The following FYN variants were observed in gnomAD, a reference collection of about 807,000 sequenced individuals.
FYN encodes tyrosine-protein kinase Fyn.
In FYN, 10 loss-of-function variants were observed where a neutral mutation model predicts 70.2. The observed-to-expected ratio is 0.14, with a 90% confidence interval of 0.09 to 0.24. FYN has a LOEUF of 0.24. Ranked by LOEUF, FYN falls within the 10% of genes least tolerant of loss-of-function variation. The probability of loss-of-function intolerance (pLI) is 1.00; values close to 1 mark genes in which losing one functional copy is unlikely to be tolerated. For missense variants in FYN, 319 were observed against 673.1 expected, an observed-to-expected ratio of 0.47 and a Z score of 5.82; for synonymous variants, 236 against 248.6, an observed-to-expected ratio of 0.95 and a Z score of 0.48.
intron 2 of FYN, among the ~76,000 whole-genome samples, chr6:111,835,062 A>G (rs1009342446): frequency 6.6e-5 from 10 of 152,062 alleles, no homozygotes; most frequent in Admixed American, 3.3e-4. Context: ...TTTTTATTGG[A>G]TTTATTCTAT....
intron 6 of FYN, among the ~76,000 whole-genome samples, chr6:111,704,713 C>T (rs1799992988): frequency 6.6e-6 from 1 of 150,654 alleles, no homozygotes; most frequent in South Asian, 2.1e-4. Flanking sequence ...GAGATTGTGC[C>T]ATAGTATTCC....
chr6:111,827,384 C>T (rs940714711), intron 2 of FYN, among the ~76,000 whole-genome samples: 8 of 152,140 alleles, frequency 5.3e-5, no homozygotes, highest in African/African-American at 1.9e-4. Context: ...TCCTTAACAC[C>T]AAGCTGCAAC....
intron 2 of FYN, among the ~76,000 whole-genome samples, chr6:111,837,609 G>A (rs139757781): frequency 5.3e-4 from 81 of 152,340 alleles, no homozygotes; most frequent in Non-Finnish European, 9.4e-4. Context: ...GTTGGTAAAT[G>A]ATGATGATTT....
chr6:111,835,461 T>A lies in FYN; in HGVS notation c.-82+11128A>T, dbSNP rs1444012962. Among the ~76,000 whole-genome samples, 3 of 152,228 alleles carry A rather than the reference T, an allele frequency of 2.0e-5. No homozygotes were observed. In the East Asian group the frequency reaches 5.8e-4, roughly 29 times the overall value. Reference sequence around the variant, plus strand: ...ACAAAGAATTCTTAGCAAAGCAATTTTACTTCTGCGCAGAGGGGTGCCTCC... The same window carrying A: ...ACAAAGAATTCTTAGCAAAGCAATTATACTTCTGCGCAGAGGGGTGCCTCC... On this transcript the variant is annotated intron_variant, in intron 2 of 13. Transcript: ENST00000354650.
At chr6:111,714,684 G>C (rs1208792283) in intron 4 of FYN, among the ~76,000 whole-genome samples, 2 of 152,198 alleles carry the variant, frequency 1.3e-5, no homozygotes, top group Non-Finnish European at 1.5e-5. Context: ...GCTTCTTTCT[G>C]TAATAGCTTT....
chr6:111,749,173 T>C (rs1387182828), intron 3 of FYN, among the ~76,000 whole-genome samples: 1 of 152,166 alleles, frequency 6.6e-6, no homozygotes, highest in Non-Finnish European at 1.5e-5. Context: ...GCAAATTCCT[T>C]AGGGCAGGTA....
At position 111,696,245 on chromosome 6, in the gene FYN, G is replaced by C. The variant is rs812500; in HGVS notation, c.1042+32C>G. 4.4e-3 allele frequency: 6,851 copies of C among 1,563,074 alleles called. 231 individuals are homozygous for C. The African/African-American group carries it at 0.076, about 17-fold the overall frequency. On this transcript the variant is annotated intron_variant, in intron 10 of 13. Coordinates refer to ENST00000354650, the MANE Select transcript of FYN (RefSeq NM_002037.5). ...CCCCTAAACAACCCCTTAAGGCACT[G>C]TGAGCTGGAGACAGGAGAGGTGTTG...
intron 3 of FYN, among the ~76,000 whole-genome samples, chr6:111,774,423 TG>T (rs1475616556): frequency 6.6e-6 from 1 of 152,198 alleles, no homozygotes; most frequent in African/African-American, 2.4e-5. Context: ...AGGGGTGCTA[TG>T]AACACTGTGT....
At chr6:111,870,980 T>C (rs1175646141) in intron 1 of FYN, among the ~76,000 whole-genome samples, 1 of 152,218 alleles carries the variant, frequency 6.6e-6, no homozygotes, top group East Asian at 1.9e-4. Flanking sequence ...AGTTCCACGA[T>C]GAATGTTCTT....
chr6:111,858,534 A>G (rs1773881517), intron 1 of FYN, among the ~76,000 whole-genome samples: 1 of 152,110 alleles, frequency 6.6e-6, no homozygotes. Context: ...GGAAACCACA[A>G]ACCATTTTTC....
intron 3 of FYN, among the ~76,000 whole-genome samples, chr6:111,735,756 G>A (rs1801682183): frequency 6.6e-6 from 1 of 152,148 alleles, no homozygotes; most frequent in Non-Finnish European, 1.5e-5. Flanking sequence ...GTGGACCAAT[G>A]ACTCTATCCA....
intron 5 of FYN, among the ~76,000 whole-genome samples, chr6:111,712,216 C>T (rs1478114528): frequency 6.6e-6 from 1 of 152,232 alleles, no homozygotes; most frequent in Non-Finnish European, 1.5e-5. Context: ...ACAAAGCCTC[C>T]TGAGAGCTGG....
In FYN at chr6:111,785,652, A is replaced by T. The variant is rs188154277; in HGVS notation, c.-81-5017T>A. On this transcript the variant is annotated intron_variant, in intron 2 of 13. Transcript: ENST00000354650. ...TTATTAGTGGGTGGCAAAGACAGGA[A>T]TTTTTTTTCTTTTTTTCTTTTTTTT... Among the ~76,000 whole-genome samples, 6 of 151,620 alleles carry T rather than the reference A, an allele frequency of 4.0e-5. No individual in the cohort carries two copies. In the East Asian group the frequency reaches 1.2e-3, roughly 29 times the overall value.
intron 3 of FYN, among the ~76,000 whole-genome samples, chr6:111,744,489 C>T (rs1465991396): frequency 6.6e-6 from 1 of 152,226 alleles, no homozygotes; most frequent in Non-Finnish European, 1.5e-5. Flanking sequence ...GGGCACTCAG[C>T]TGGAAAGATC....
At chr6:111,722,856 G>C (rs1801019538) in intron 3 of FYN, among the ~76,000 whole-genome samples, 1 of 152,216 alleles carries the variant, frequency 6.6e-6, no homozygotes, top group Admixed American at 6.5e-5. Flanking sequence ...TTTACACGAA[G>C]GAAAGAATTT....
intron 13 of FYN, among the ~76,000 whole-genome samples, chr6:111,662,359 C>T (rs975822547): frequency 1.3e-5 from 2 of 152,226 alleles, no homozygotes; most frequent in Non-Finnish European, 2.9e-5. Flanking sequence ...GGTCAACAAA[C>T]TTTTCCTGTA....
intron 3 of FYN, among the ~76,000 whole-genome samples, chr6:111,764,210 G>A: frequency 1.0e-4 from 1 of 9,602 alleles, no homozygotes; most frequent in Non-Finnish European, 1.7e-4. Context: ...ACTGGATTTT[G>A]TCAAGCAAAA....
chr6:111,703,831 C>G (rs1401775176), intron 7 of FYN, among the ~76,000 whole-genome samples, 168 bp downstream of exon 7: 2 of 152,144 alleles, frequency 1.3e-5, no homozygotes, highest in African/African-American at 4.8e-5. Context: ...TTGGTGCTGT[C>G]TGCAGTTTTA....
At chr6:111,834,877 T>C (rs931697250) in intron 2 of FYN, among the ~76,000 whole-genome samples, 2 of 152,138 alleles carry the variant, frequency 1.3e-5, no homozygotes, top group African/African-American at 2.4e-5. Flanking sequence ...CTCATTCCTA[T>C]AGAATAATCC....
Sources: gnomAD v4.1 joint callset for allele counts (sites outside exome capture counted in the v4.1 genomes callset) on GRCh38, gnomAD v4.1.1 for gene constraint, MANE v1.5 for transcripts, NCBI Gene and HGNC (gene_info 2026-07-23, HGNC 2026-07-21) for gene names.